C12orf50: variants seen among roughly 807,000 people sequenced by gnomAD.
C12orf50 encodes uncharacterized protein C12orf50.
In C12orf50, 35 loss-of-function variants were observed where a neutral mutation model predicts 61.6. The observed-to-expected ratio is 0.57, with a 90% CI of 0.43 to 0.75. C12orf50 has a LOEUF of 0.75. Among genes scored for constraint, C12orf50 ranks in the 30% least tolerant of loss-of-function variants. C12orf50 has a pLI of 0.00. For missense variants in C12orf50, 475 were observed against 488.5 expected (o/e 0.97, Z 0.26); for synonymous variants, 178 against 161.5 (o/e 1.10, Z -0.77).
At chr12:88,012,373 A>T (rs1192489405) in intron 3 of C12orf50, among the ~76,000 whole-genome samples, 1 of 152,232 alleles carries the variant, frequency 6.6e-6, no homozygotes, top group Non-Finnish European at 1.5e-5. Context: ...TACAAAACAC[A>T]TAGGTTAAAA....
At chr12:88,012,910 C>A (rs1360227323) in intron 3 of C12orf50, among the ~76,000 whole-genome samples, 1 of 151,938 alleles carries the variant, frequency 6.6e-6, no homozygotes. Context: ...CCAAAAATTA[C>A]AAAATTAGTC....
chr12:88,004,724 C>T (rs1386479828), intron 3 of C12orf50, among the ~76,000 whole-genome samples: 1 of 152,150 alleles, frequency 6.6e-6, no homozygotes, highest in African/African-American at 2.4e-5. Flanking sequence ...AGATAATGTC[C>T]TTTGCAGCAA....
intron 3 of C12orf50, among the ~76,000 whole-genome samples, chr12:88,024,155 AG>A (rs1348856914): frequency 1.3e-5 from 2 of 152,182 alleles, no homozygotes; most frequent in East Asian, 1.9e-4. Flanking sequence ...TACAGAGAAA[AG>A]GGAACACTTA....
At chr12:88,027,143 T>C in intron 1 of C12orf50, 73 bp from the exon 2 acceptor site, 1 of 1,419,332 alleles carries the variant, frequency 7.0e-7, no homozygotes, top group Non-Finnish European at 9.4e-7. Context: ...AGGTTGCTAA[T>C]TAGTTAAACG....
intron 11 of C12orf50, chr12:87,984,787 C>G (rs1406134077): frequency 6.6e-6 from 1 of 152,124 alleles, no homozygotes; most frequent in East Asian, 1.9e-4. Flanking sequence ...AGTATGAATT[C>G]TGGCACCTTC....
intron 12 of C12orf50, among the ~76,000 whole-genome samples, chr12:87,981,190 G>A (rs890203897): frequency 1.3e-5 from 2 of 152,088 alleles, no homozygotes; most frequent in Non-Finnish European, 2.9e-5. Flanking sequence ...GTCACATTCA[G>A]ATTTAAAATT....
At position 88,027,117 on chromosome 12, in the gene C12orf50, A is replaced by G. The variant is rs984478655; in HGVS notation, c.-108-47T>C. 9 of 1,522,562 alleles carry G rather than the reference A, an allele frequency of 5.9e-6. No individual in the cohort carries two copies. The African/African-American group carries it at 1.3e-4, about 21-fold the overall frequency. 94.3% of individuals were successfully genotyped at this position (1,522,562 alleles called of 1,614,324 possible). ...GTAGAAAGCTCAATATGTTGACATT[A>G]GTGTTCAACAACAATAGGTTGCTAA... On this transcript the variant is annotated intron_variant, in intron 1 of 12. Coordinates refer to ENST00000298699, the MANE Select transcript of C12orf50 (RefSeq NM_152589.3).
chr12:87,982,244 A>G (rs2030519992), intron 12 of C12orf50, among the ~76,000 whole-genome samples: 1 of 152,126 alleles, frequency 6.6e-6, no homozygotes, highest in South Asian at 2.1e-4. Context: ...ATCACATGTG[A>G]AAATTCACAC....
At chr12:87,980,938 G>T (rs1468199697) in intron 12 of C12orf50, among the ~76,000 whole-genome samples, 1 of 152,126 alleles carries the variant, frequency 6.6e-6, no homozygotes, top group African/African-American at 2.4e-5. Context: ...TGAAAATGTT[G>T]CTCTGTGACC....
intron 1 of C12orf50, 97 bp downstream of exon 1, chr12:88,029,243 C>T: frequency 2.1e-6 from 1 of 472,712 alleles, no homozygotes; most frequent in Non-Finnish European, 3.4e-6. Flanking sequence ...TTTCCACAGT[C>T]TTTCAGGCTA....
intron 9 of C12orf50, 22 bp from the exon 10 acceptor site, chr12:87,986,438 A>G: frequency 6.4e-7 from 1 of 1,552,274 alleles, no homozygotes; most frequent in South Asian, 1.2e-5. Context: ...TACAAATTTT[A>G]CAATTTTTTA....
intron 3 of C12orf50, among the ~76,000 whole-genome samples, chr12:88,018,287 C>T (rs1345072997): frequency 6.6e-6 from 1 of 152,202 alleles, no homozygotes; most frequent in Non-Finnish European, 1.5e-5. Flanking sequence ...GCCGTGGTTT[C>T]AGAGGGTGCA....
chr12:87,980,635 T>C (rs1427131795), intron 12 of C12orf50, among the ~76,000 whole-genome samples: 1 of 152,118 alleles, frequency 6.6e-6, no homozygotes, highest in Non-Finnish European at 1.5e-5. Flanking sequence ...GAAGGCTCCA[T>C]CATATGGAGA....
intron 3 of C12orf50, among the ~76,000 whole-genome samples, chr12:88,022,242 A>G (rs2032543221): frequency 1.3e-5 from 2 of 151,990 alleles, no homozygotes; most frequent in Admixed American, 1.3e-4. Flanking sequence ...AAAAGTAAAA[A>G]CCATATTGAG....
intron 3 of C12orf50, among the ~76,000 whole-genome samples, chr12:88,002,178 G>A (rs1210227863): frequency 6.6e-6 from 1 of 151,470 alleles, no homozygotes; most frequent in East Asian, 1.9e-4. Context: ...CATGAGTTTT[G>A]GTATGCTATG....
chr12:87,983,390 G>GT (rs145140053), intron 11 of C12orf50, 195 bp from the exon 12 acceptor site: 5,477 of 351,210 alleles, frequency 0.016, 230 homozygotes, highest in African/African-American at 0.094. Flanking sequence ...GTTTTTTTTT[G>GT]TTTTTTTTAT....
chr12:87,988,919 T>A (rs2136411977), intron 8 of C12orf50, among the ~76,000 whole-genome samples: 1 of 152,272 alleles, frequency 6.6e-6, no homozygotes, highest in South Asian at 2.1e-4. Context: ...CTTTTTGAGA[T>A]TAAACTCTTC....
chr12:87,997,938 T>TTATA, intron 4 of C12orf50, 97 bp downstream of exon 4: 1 of 905,934 alleles, frequency 1.1e-6, no homozygotes. Context: ...AAAATCTGCC[T>TTATA]TATATATTAC....
chr12:87,996,068 C>T (rs1231049038), intron 6 of C12orf50, among the ~76,000 whole-genome samples: 2 of 152,118 alleles, frequency 1.3e-5, no homozygotes, highest in East Asian at 1.9e-4. Context: ...ATCTAGACCT[C>T]TTTGGCAGGG....
Sources: allele counts gnomAD v4.1 joint callset (sites outside exome capture counted in the v4.1 genomes callset), GRCh38; gene constraint gnomAD v4.1.1; transcripts MANE v1.5; gene names NCBI Gene and HGNC (gene_info 2026-07-23, HGNC 2026-07-21).